The following EXOC6 variants were observed in gnomAD, a reference collection of about 807,000 sequenced individuals.
EXOC6 encodes SEC15-like 1.
In EXOC6, 60 loss-of-function variants were observed where a neutral mutation model predicts 112.5. The ratio of observed to expected loss-of-function variants is 0.53; its 90% confidence interval spans 0.43 to 0.66. EXOC6 has a LOEUF of 0.66. EXOC6 is among the 30% of genes least tolerant of loss of function. EXOC6 has a pLI of 0.00. For missense variants in EXOC6, 855 were observed against 957.1 expected (o/e 0.89, Z 1.41); for synonymous variants, 295 against 308.0 (o/e 0.96, Z 0.44).
At chr10:92,978,365 A>T (rs1842711244) in intron 18 of EXOC6, among the ~76,000 whole-genome samples, 1 of 152,132 alleles carries the variant, frequency 6.6e-6, no homozygotes, top group Admixed American at 6.5e-5. Context: ...AGCCGTAATC[A>T]TGCTACTGTG....
At chr10:92,891,310 G>A (rs1055538613) in intron 1 of EXOC6, among the ~76,000 whole-genome samples, 1 of 152,076 alleles carries the variant, frequency 6.6e-6, no homozygotes, top group African/African-American at 2.4e-5. Flanking sequence ...TGTGCTTATG[G>A]AATTTAAAGC....
intron 20 of EXOC6, among the ~76,000 whole-genome samples, chr10:93,042,961 T>A (rs1203304527): frequency 6.8e-6 from 1 of 147,666 alleles, no homozygotes. Flanking sequence ...TATTATTATT[T>A]TTTGAGATGG....
chr10:92,865,930 T>C (rs1043193401), intron 1 of EXOC6, among the ~76,000 whole-genome samples: 1 of 152,010 alleles, frequency 6.6e-6, no homozygotes, highest in Non-Finnish European at 1.5e-5. Context: ...TAAGTGGAAG[T>C]GGGTCATCAT....
intron 6 of EXOC6, among the ~76,000 whole-genome samples, chr10:92,912,321 G>T (rs1850829812): frequency 6.6e-6 from 1 of 152,024 alleles, no homozygotes; most frequent in Non-Finnish European, 1.5e-5. Flanking sequence ...AATGCAACGG[G>T]GCTCTCTATT....
At chr10:92,980,629 CATT>C (rs1430821980) in intron 18 of EXOC6, among the ~76,000 whole-genome samples, 4 of 152,120 alleles carry the variant, frequency 2.6e-5, no homozygotes, top group Non-Finnish European at 5.9e-5. Flanking sequence ...ATATTTGAAT[CATT>C]ATTATAGCTT....
At chr10:92,850,924 C>T (rs1193621487) in intron 1 of EXOC6, among the ~76,000 whole-genome samples, 1 of 151,614 alleles carries the variant, frequency 6.6e-6, no homozygotes, top group African/African-American at 2.4e-5. Context: ...GGTTCTTTGA[C>T]CACAACAGAA....
In EXOC6 at chr10:92,969,058, C is replaced by T. The variant is rs538475871; in HGVS notation, c.1774-4995C>T. Among the ~76,000 whole-genome samples, 5 of 152,206 alleles carry T rather than the reference C, an allele frequency of 3.3e-5. No individual in the cohort carries two copies. The East Asian group carries it at 9.7e-4, about 29-fold the overall frequency. On this transcript the variant is annotated intron_variant, in intron 17 of 21. Transcript: ENST00000260762. The stretch of plus-strand genomic sequence containing the variant: ...ATCCCCTTCTCTTGATCTGGGCAGA[C>T]TTGTGACAGCTTTGACCAAGAGAGT...
chr10:92,957,266 G>A lies in EXOC6; in HGVS notation c.1773+1552G>A, dbSNP rs115556909. 3.3e-3 allele frequency among the ~76,000 whole-genome samples: 495 copies of A among 152,188 alleles called. 2 individuals carry two copies. Among genetic ancestry groups the A allele is most frequent in the African/African-American group, 0.011 (474 of 41,532 alleles). On this transcript the variant is annotated intron_variant, in intron 17 of 21. Coordinates refer to ENST00000260762, the MANE Select transcript of EXOC6 (RefSeq NM_019053.6). Reference sequence around the variant, plus strand: ...CTTAGAGTTGCAGGCATATTTAACTGTTAACATTACTTTTAATATGCTTAC... The same window carrying A: ...CTTAGAGTTGCAGGCATATTTAACTATTAACATTACTTTTAATATGCTTAC...
At chr10:92,860,340 C>T (rs1414302945) in intron 1 of EXOC6, among the ~76,000 whole-genome samples, 5 of 143,836 alleles carry the variant, frequency 3.5e-5, no homozygotes, top group Admixed American at 2.2e-4. Flanking sequence ...GGCGTGATCT[C>T]GCTCACTGCT....
At chr10:93,019,154 A>G (rs1029270622) in intron 20 of EXOC6, among the ~76,000 whole-genome samples, 2 of 151,848 alleles carry the variant, frequency 1.3e-5, no homozygotes, top group African/African-American at 4.8e-5. Flanking sequence ...TAGTTTTTGT[A>G]TTTTTGGTAA....
intron 18 of EXOC6, among the ~76,000 whole-genome samples, chr10:92,975,440 C>G (rs1001977118): frequency 4.0e-5 from 6 of 151,078 alleles, no homozygotes; most frequent in Admixed American, 1.3e-4. Context: ...TGAGGAGCGT[C>G]TCCGCCCGGC....
At chr10:92,842,286 G>A (rs938783908) in intron 1 of EXOC6, among the ~76,000 whole-genome samples, 4 of 150,886 alleles carry the variant, frequency 2.7e-5, no homozygotes, top group African/African-American at 9.8e-5. Context: ...TTGAACCCGC[G>A]AGGTGGAGGT....
chr10:92,982,381 A>G (rs972862402), intron 18 of EXOC6, among the ~76,000 whole-genome samples: 2 of 152,108 alleles, frequency 1.3e-5, no homozygotes, highest in East Asian at 1.9e-4. Flanking sequence ...CTTCTTTCCA[A>G]CTGTGCCTTG....
At chr10:93,012,749 C>T (rs1844306626) in intron 19 of EXOC6, among the ~76,000 whole-genome samples, 1 of 152,056 alleles carries the variant, frequency 6.6e-6, no homozygotes, top group Admixed American at 6.6e-5. Flanking sequence ...AATGGAACAT[C>T]TATAATGTTC....
At chr10:92,917,813 T>C (rs1178358873) in intron 7 of EXOC6, among the ~76,000 whole-genome samples, 1 of 152,202 alleles carries the variant, frequency 6.6e-6, no homozygotes, top group African/African-American at 2.4e-5. Context: ...GTGCTGAGAT[T>C]ACAGGTGTGA....
intron 18 of EXOC6, among the ~76,000 whole-genome samples, chr10:92,977,239 G>A (rs1011694887): frequency 2.7e-5 from 4 of 149,728 alleles, no homozygotes; most frequent in African/African-American, 4.9e-5. Context: ...ACACAGCTGC[G>A]CCCAACCATC....
chr10:92,827,506 A>AAAAAAAAC (rs1846406253), intron 1 of EXOC6, among the ~76,000 whole-genome samples: 2 of 147,318 alleles, frequency 1.4e-5, no homozygotes, highest in Non-Finnish European at 3.0e-5. Flanking sequence ...AAAAAAAAAA[A>AAAAAAAAC]TCCCCATGTT....
intron 14 of EXOC6, among the ~76,000 whole-genome samples, chr10:92,949,711 G>A (rs1853284868): frequency 6.6e-6 from 1 of 151,782 alleles, no homozygotes; most frequent in Admixed American, 6.6e-5. Flanking sequence ...TCCTGCCTCA[G>A]CCTCCCAAGT....
At chr10:92,860,989 A>G (rs1330138221) in intron 1 of EXOC6, among the ~76,000 whole-genome samples, 2 of 152,190 alleles carry the variant, frequency 1.3e-5, no homozygotes, top group Non-Finnish European at 2.9e-5. Context: ...TTCTCACTGC[A>G]GGAAGGCTCT....
Sources: allele counts gnomAD v4.1 joint callset (sites outside exome capture counted in the v4.1 genomes callset), GRCh38; gene constraint gnomAD v4.1.1; transcripts MANE v1.5; gene names NCBI Gene and HGNC (gene_info 2026-07-23, HGNC 2026-07-21).